ZNF462: variants seen among roughly 807,000 people sequenced by gnomAD.
ZNF462 encodes zinc finger protein 462, also known as zinc finger PBX1-interacting protein.
ZNF462 carries 10 observed loss-of-function variants against 201.9 expected under a neutral mutation model. The observed-to-expected ratio is 0.05, with a 90% CI of 0.03 to 0.08. The LOEUF (loss-of-function observed/expected upper bound fraction) is 0.08, where lower values mean the gene tolerates loss of function less well. ZNF462 is among the 10% of genes least tolerant of loss of function. The probability of loss-of-function intolerance (pLI) is 1.00; values close to 1 mark genes in which losing one functional copy is unlikely to be tolerated. For missense variants in ZNF462, 2,523 were observed against 3,168.3 expected, an observed-to-expected ratio of 0.80 and a Z score of 4.89; for synonymous variants, 1,227 against 1,193.3, an observed-to-expected ratio of 1.03 and a Z score of -0.58.
In ZNF462 at chr9:106,890,400, CT is replaced by C. The variant is rs1472922735; in HGVS notation, c.-31+27047del. On this transcript the variant is annotated intron_variant, in intron 1 of 12. Coordinates refer to ENST00000277225, the MANE Select transcript of ZNF462 (RefSeq NM_021224.6). This position sits in a 1 kb window ranked among gnomAD's most constrained non-coding sequence, Gnocchi z 4.2. ...TAATTAAACATTGTCGGGAGAATTC[CT>C]TCATTTCCTTCTGGAGTCCTTTTTG... 6.6e-6 allele frequency among the ~76,000 whole-genome samples: 1 copy of C among 152,014 alleles called. No homozygotes were observed. Among genetic ancestry groups the C allele is most frequent in the Non-Finnish European group, 1.5e-5 (1 of 68,010 alleles).
rs1185106054 is a variant in ZNF462, at chr9:106,972,018, A to G, written c.6441A>G (p.Ser2147=). The change falls in exon 8 of 13, where the codon TCA becomes TCG. Residue 2147 remains serine, a synonymous_variant. Coordinates refer to ENST00000277225, the MANE Select transcript of ZNF462 (RefSeq NM_021224.6). The surrounding 1 kb of genome is among the most constrained non-coding windows in gnomAD (Gnocchi z 4.8). ...GTCTCTTCACAGACTCATCATATTC[A>G]GAGCCCCCAGATGTTCAGCAGCAGT... The part of the protein sequence containing the change: ...EVEDSNDSSY[S]EPPDVQQQLN... 7 of 1,613,898 alleles carry G rather than the reference A, an allele frequency of 4.3e-6. No individual in the cohort carries two copies. Among genetic ancestry groups the G allele is most frequent in the Non-Finnish European group, 4.2e-6 (5 of 1,179,912 alleles).
chr9:106,890,581 C>A lies in ZNF462; in HGVS notation c.-31+27226C>A, dbSNP rs1588006959. Among the ~76,000 whole-genome samples, 1 of 152,206 alleles carries A rather than the reference C, an allele frequency of 6.6e-6. No homozygotes were observed. Among genetic ancestry groups the A allele is most frequent in the Admixed American group, 6.5e-5 (1 of 15,282 alleles). On this transcript the variant is annotated intron_variant, in intron 1 of 12. Transcript: ENST00000277225. The surrounding 1 kb of genome is among the most constrained non-coding windows in gnomAD (Gnocchi z 4.2). The stretch of plus-strand genomic sequence containing the variant: ...GTGAGAAACATTTGAAGCTTGTCCC[C>A]ACTCAACAATGATGATGCACTTAGG...
rs1826839391 is a variant in ZNF462, at chr9:106,974,375, G to A, written c.6832+102G>A. On this transcript the variant is annotated intron_variant, in intron 9 of 12. Coordinates refer to ENST00000277225, the MANE Select transcript of ZNF462 (RefSeq NM_021224.6). The surrounding 1 kb of genome is among the most constrained non-coding windows in gnomAD (Gnocchi z 4.0). ...AGAGTGGCAGTAGCACCTGTGCCTT[G>A]TTCCTCACCTTATCTTCAGGCAAGA... 1 of 1,549,198 alleles carries A rather than the reference G, an allele frequency of 6.5e-7. No homozygotes were observed. The highest frequency in any genetic ancestry group is 8.9e-7 in the Non-Finnish European group (1 of 1,121,812).
rs549037121 is a variant in ZNF462 at position 106,866,484 on chromosome 9, A to G, written c.-31+3129A>G. Among the ~76,000 whole-genome samples the G allele has an allele frequency of 8.3e-4, 126 of 152,276 alleles. 3 individuals are homozygous for G. The highest frequency in any genetic ancestry group is 8.5e-4 in the Non-Finnish European group (58 of 68,006). ...GGAAATACATGGTTCTTTAGCTGAT[A>G]ATTGTCCATGGTCAATGAAGTAAAA... On this transcript the variant is annotated intron_variant, in intron 1 of 12. Coordinates refer to ENST00000277225, the MANE Select transcript of ZNF462 (RefSeq NM_021224.6).
chr9:106,979,359 A>G, intron 9 of ZNF462: 1 of 151,626 alleles, frequency 6.6e-6, no homozygotes, highest in South Asian at 2.1e-4. Context: ...GTAGCCCTTT[A>G]CTACTATAGC....
intron 1 of ZNF462, among the ~76,000 whole-genome samples, chr9:106,906,046 A>T (rs750834988): frequency 2.6e-5 from 4 of 152,110 alleles, no homozygotes; most frequent in Non-Finnish European, 4.4e-5. Context: ...CCGCTTGGGG[A>T]CCCAGTGAGA....
chr9:106,887,818 C>T (rs557763776), intron 1 of ZNF462, among the ~76,000 whole-genome samples: 1 of 152,128 alleles, frequency 6.6e-6, no homozygotes, highest in Non-Finnish European at 1.5e-5. Flanking sequence ...TTTGGGTTAT[C>T]GTTACATAGT....
intron 7 of ZNF462, among the ~76,000 whole-genome samples, chr9:106,940,122 G>A (rs1039481926): frequency 1.3e-5 from 2 of 152,136 alleles, no homozygotes; most frequent in African/African-American, 2.4e-5. Flanking sequence ...TGATGGTCAC[G>A]TTTCCCTGGG....
chr9:107,001,537 T>C (rs1224204404), intron 10 of ZNF462, among the ~76,000 whole-genome samples: 1 of 152,178 alleles, frequency 6.6e-6, no homozygotes, highest in Non-Finnish European at 1.5e-5. Flanking sequence ...CTCGGGTCTG[T>C]CTGACTTCAA....
At chr9:106,964,008 C>CGTGTGT (rs111450825) in intron 7 of ZNF462, among the ~76,000 whole-genome samples, 6,928 of 146,684 alleles carry the variant, frequency 0.047, 353 homozygotes, top group African/African-American at 0.13. Context: ...AAATAATATT[C>CGTGTGT]GTGTGTGTGT....
Position 106,925,946 on chromosome 9 carries a change from G to A in ZNF462, c.2034G>A (p.Lys678=). Residue 678 remains lysine (K), a synonymous_variant, in exon 3 of 13, where the codon AAG becomes AAA. Transcript: ENST00000277225. The surrounding 1 kb of genome is among the most constrained non-coding windows in gnomAD (Gnocchi z 7.9). ...ATTTTGTAGCTAAAGCCTCTAGGAA[G>A]CTCGCCAATGACTTTCCTCTAGATT... is the stretch of plus-strand genomic sequence containing the variant. ...KNNFVAKASR[K]LANDFPLDLS... 6.2e-7 allele frequency: 1 copy of A among 1,614,160 alleles called. No individual in the cohort carries two copies. The highest frequency in any genetic ancestry group is 1.1e-5 in the South Asian group (1 of 91,072).
rs1026470607 is a variant in ZNF462, at chr9:106,929,865, T to G, written c.5847+106T>G. The stretch of plus-strand genomic sequence containing the variant: ...AACTGCTGCAGGCTTCCTAGTGACT[T>G]AGCTTGCCAGAGAGCTCAATAAGTC... On this transcript the variant is annotated intron_variant, in intron 3 of 12. Transcript: ENST00000277225. This position sits in a 1 kb window ranked among gnomAD's most constrained non-coding sequence, Gnocchi z 8.7. 5.8e-6 allele frequency: 6 copies of G among 1,036,550 alleles called. No homozygotes were observed. Among genetic ancestry groups the G allele is most frequent in the Non-Finnish European group, 7.0e-6 (5 of 711,032 alleles). 64.2% of individuals were successfully genotyped at this position (1,036,550 alleles called of 1,614,324 possible). A position where few individuals can be genotyped will look rare whatever the true frequency, so the allele number is the denominator to read the frequency against.
intron 7 of ZNF462, among the ~76,000 whole-genome samples, chr9:106,949,502 C>G (rs1215785480): frequency 6.6e-6 from 1 of 152,188 alleles, no homozygotes; most frequent in Non-Finnish European, 1.5e-5. Flanking sequence ...CTTGAGTTAA[C>G]TAACTTCTCC....
In ZNF462 at chr9:106,876,331, C is replaced by T. The variant is rs1408591485; in HGVS notation, c.-31+12976C>T. Among the ~76,000 whole-genome samples the T allele has an allele frequency of 6.6e-6, 1 of 152,192 alleles. No homozygotes were observed. Among genetic ancestry groups the T allele is most frequent in the African/African-American group, 2.4e-5 (1 of 41,454 alleles). ...GGAAGGAAGAAAGTGATAGTTTCTTCCTTCCTCACTGATAGAGAAACTGAG... is the reference window on the plus strand; with the variant it reads ...GGAAGGAAGAAAGTGATAGTTTCTTTCTTCCTCACTGATAGAGAAACTGAG... On this transcript the variant is annotated intron_variant, in intron 1 of 12. Coordinates refer to ENST00000277225, the MANE Select transcript of ZNF462 (RefSeq NM_021224.6). The surrounding 1 kb of genome is among the most constrained non-coding windows in gnomAD (Gnocchi z 4.9).
rs1162765075 is a variant in ZNF462 at position 106,962,071 on chromosome 9, T to C, written c.6428-9934T>C. Among the ~76,000 whole-genome samples, 1 of 152,004 alleles carries C rather than the reference T, an allele frequency of 6.6e-6. No individual in the cohort carries two copies. Among genetic ancestry groups the C allele is most frequent in the Non-Finnish European group, 1.5e-5 (1 of 67,966 alleles). On this transcript the variant is annotated intron_variant, in intron 7 of 12. Coordinates refer to ENST00000277225, the MANE Select transcript of ZNF462 (RefSeq NM_021224.6). The surrounding 1 kb of genome is among the most constrained non-coding windows in gnomAD (Gnocchi z 4.6). ...ATGGTTCAGAGTTTGGGCTTTTTTC[T>C]GTAAGAAAGTGAGTGTCATGATCAC...
chr9:107,006,712 G>C lies in ZNF462; in HGVS notation c.7190-2833G>C, dbSNP rs1477265135. Among the ~76,000 whole-genome samples the C allele has an allele frequency of 1.3e-5, 2 of 152,066 alleles. No homozygotes were observed. The highest frequency in any genetic ancestry group is 6.6e-5 in the Admixed American group (1 of 15,252). Reference sequence around the variant, plus strand: ...TGCCAGGGCTAAAGACTATGGGTTTGCGAAGGGGGCCCCAGTTTGGCTCTT... The same window carrying C: ...TGCCAGGGCTAAAGACTATGGGTTTCCGAAGGGGGCCCCAGTTTGGCTCTT... On this transcript the variant is annotated intron_variant, in intron 11 of 12. Transcript: ENST00000277225. This position sits in a 1 kb window ranked among gnomAD's most constrained non-coding sequence, Gnocchi z 4.3.
Position 106,917,817 on chromosome 9 carries a change from T to A in ZNF462, c.-30-5537T>A, listed in dbSNP as rs1829834318. 6.6e-6 allele frequency among the ~76,000 whole-genome samples: 1 copy of A among 151,662 alleles called. No individual in the cohort carries two copies. The highest frequency in any genetic ancestry group is 1.5e-5 in the Non-Finnish European group (1 of 67,956). The stretch of plus-strand genomic sequence containing the variant: ...GTAGCTTGTTGTTGGAAGTTGCTTG[T>A]TGGTTTATTTTGCTGGTTTATTATT... On this transcript the variant is annotated intron_variant, in intron 1 of 12. Coordinates refer to ENST00000277225, the MANE Select transcript of ZNF462 (RefSeq NM_021224.6). The surrounding 1 kb of genome is among the most constrained non-coding windows in gnomAD (Gnocchi z 4.5).
rs996429723 is a variant in ZNF462 at position 107,009,674 on chromosome 9, T to C, written c.7313+6T>C. ...CATGTGCTGAGACACGGCATGTAAG[T>C]TGGGCCACTTCAAGGATGCCTTTGT... is the stretch of plus-strand genomic sequence containing the variant. On this transcript the variant is annotated splice_donor_region_variant and intron_variant, in intron 12 of 12. Transcript: ENST00000277225. This position sits in a 1 kb window ranked among gnomAD's most constrained non-coding sequence, Gnocchi z 6.1. 6.2e-7 allele frequency: 1 copy of C among 1,612,658 alleles called. No homozygotes were observed. The highest frequency in any genetic ancestry group is 8.5e-7 in the Non-Finnish European group (1 of 1,179,796).
intron 9 of ZNF462, among the ~76,000 whole-genome samples, chr9:106,980,109 C>G (rs533440030): frequency 6.6e-6 from 1 of 152,228 alleles, no homozygotes; most frequent in South Asian, 2.1e-4. Context: ...ATACCTTTGC[C>G]TGATAGAATT....
Sources: gnomAD v4.1 joint callset for allele counts (sites outside exome capture counted in the v4.1 genomes callset) on GRCh38, gnomAD v4.1.1 for gene constraint, Gnocchi (gnomAD v3.1) non-coding constraint, MANE v1.5 for transcripts, NCBI Gene and HGNC (gene_info 2026-07-23, HGNC 2026-07-21) for gene names.